Variants in BCAT1 observed in about 807,000 individuals in gnomAD.
The protein encoded by BCAT1 is branched chain amino acid transaminase 1.
BCAT1 carries 48 observed loss-of-function variants against 52.4 expected under a neutral mutation model. The ratio of observed to expected loss-of-function variants is 0.92; its 90% CI spans 0.73 to 1.16. The LOEUF (loss-of-function observed/expected upper bound fraction) is 1.16, where lower values mean the gene tolerates loss of function less well. Among genes scored for constraint, BCAT1 ranks in the 50% most tolerant of loss-of-function variants. BCAT1 has a pLI of 0.00. For synonymous variants in BCAT1, 167 were observed against 161.3 expected (o/e 1.04, Z -0.27); for missense variants, 451 against 457.1 (o/e 0.99, Z 0.12).
At chr12:24,831,147 A>G (rs902371685) in intron 9 of BCAT1, among the ~76,000 whole-genome samples, 1 of 152,218 alleles carries the variant, frequency 6.6e-6, no homozygotes, top group Non-Finnish European at 1.5e-5. Flanking sequence ...ATGGACAATG[A>G]GGATGAAGAC....
In BCAT1 at chr12:24,949,030, G is replaced by A. The variant is rs1461255346; in HGVS notation, c.-98C>T. 15 of 1,331,906 alleles carry A rather than the reference G, an allele frequency of 1.1e-5. No individual in the cohort carries two copies. The highest frequency in any genetic ancestry group is 1.5e-5 in the African/African-American group (1 of 68,152). 82.5% of individuals were successfully genotyped at this position (1,331,906 alleles called of 1,614,324 possible). A position where few individuals can be genotyped will look rare whatever the true frequency, so the allele number is the denominator to read the frequency against. ...TGGACCGGGTCTGCGGCTGCAGAGCGCGGTCCCGGCTGCAGCAAGACCTGG... is the reference window on the plus strand; with the variant it reads ...TGGACCGGGTCTGCGGCTGCAGAGCACGGTCCCGGCTGCAGCAAGACCTGG... On this transcript the variant is annotated 5_prime_UTR_variant, in exon 1 of 11. Transcript: ENST00000261192.
intron 2 of BCAT1, among the ~76,000 whole-genome samples, chr12:24,898,291 G>A (rs1943004956): frequency 6.6e-6 from 1 of 151,846 alleles, no homozygotes; most frequent in Non-Finnish European, 1.5e-5. Context: ...TGATGACATC[G>A]AAGTCAGGAT....
intron 1 of BCAT1, among the ~76,000 whole-genome samples, chr12:24,925,316 A>G (rs1033763958): frequency 4.6e-5 from 7 of 152,044 alleles, no homozygotes; most frequent in African/African-American, 1.4e-4. Context: ...TGCAACATCA[A>G]CTCTTACCAG....
At chr12:24,899,303 T>C (rs1462324608) in intron 2 of BCAT1, among the ~76,000 whole-genome samples, 1 of 152,132 alleles carries the variant, frequency 6.6e-6, no homozygotes, top group Non-Finnish European at 1.5e-5. Flanking sequence ...ATAAATGATG[T>C]AGATTAACAA....
At chr12:24,938,226 C>G (rs903694044) in intron 1 of BCAT1, among the ~76,000 whole-genome samples, 12 of 152,094 alleles carry the variant, frequency 7.9e-5, no homozygotes, top group Non-Finnish European at 1.6e-4. Flanking sequence ...GGAAACAGTA[C>G]TGGGCAGGGT....
At chr12:24,837,581 C>G (rs185832574) in intron 7 of BCAT1, among the ~76,000 whole-genome samples, 5 of 151,934 alleles carry the variant, frequency 3.3e-5, no homozygotes, top group Admixed American at 6.5e-5. Context: ...TACGCGCCAC[C>G]ACGCCTGGCT....
intron 8 of BCAT1, among the ~76,000 whole-genome samples, chr12:24,835,963 T>A (rs551364145): frequency 1.1e-4 from 17 of 152,328 alleles, no homozygotes; most frequent in African/African-American, 4.1e-4. Context: ...TTACATTTGC[T>A]TGCATGTTCT....
At chr12:24,865,620 T>A (rs1380788708) in intron 5 of BCAT1, among the ~76,000 whole-genome samples, 1 of 152,120 alleles carries the variant, frequency 6.6e-6, no homozygotes, top group Non-Finnish European at 1.5e-5. Context: ...TGTGTGTGTA[T>A]GTATATGTGT....
At chr12:24,852,341 A>G (rs1029726193) in intron 5 of BCAT1, among the ~76,000 whole-genome samples, 1 of 152,234 alleles carries the variant, frequency 6.6e-6, no homozygotes, top group East Asian at 1.9e-4. Context: ...ATTTAGAGAT[A>G]TAATATGCTG....
rs761793182 is a variant in BCAT1 at position 24,881,304 on chromosome 12, C to T, written c.387G>A (p.Leu129=). ...RMYRSAVRAT[L]PVFDKEELLE... Reference sequence around the variant, plus strand: ...AGAAACTCCTACACTTACATACCGGCAGAGTTGCCCTCACAGCAGAGCGAT... The same window carrying T: ...AGAAACTCCTACACTTACATACCGGTAGAGTTGCCCTCACAGCAGAGCGAT... The change falls in exon 4 of 11, where the codon CTG becomes CTA. Residue 129 remains leucine, a synonymous_variant. Transcript: ENST00000261192. 1.3e-5 allele frequency: 21 copies of T among 1,603,754 alleles called. No homozygotes were observed. The East Asian group carries it at 4.7e-4, about 36-fold the overall frequency.
In BCAT1 at chr12:24,832,741, A is replaced by T; in HGVS notation, c.1026T>A (p.Asp342Glu). ...GTCGTACCTCGCCTTTGTACAGTAT[A>T]TCAGAAACTGGGCAAACAACACAGG... ...GTACVVCPVS[D>E]ILYKGETIHI... The change falls in exon 9 of 11, where the codon GAT becomes GAA. Residue 342 changes from aspartate to glutamate, a missense_variant. Physicochemically the swap from Asp to Glu is conservative, Grantham distance 45. Coordinates refer to ENST00000261192, the MANE Select transcript of BCAT1 (RefSeq NM_005504.7). The T allele has an allele frequency of 6.2e-7, 1 of 1,611,226 alleles. No individual in the cohort carries two copies. The highest frequency in any genetic ancestry group is 8.5e-7 in the Non-Finnish European group (1 of 1,178,596).
chr12:24,920,975 A>T (rs1367038251), intron 1 of BCAT1, among the ~76,000 whole-genome samples: 1 of 152,142 alleles, frequency 6.6e-6, no homozygotes, highest in Non-Finnish European at 1.5e-5. Flanking sequence ...TGAGCACAGG[A>T]GCTTTTGTCC....
chr12:24,886,220 C>A (rs745941106), intron 3 of BCAT1, among the ~76,000 whole-genome samples: 1 of 152,118 alleles, frequency 6.6e-6, no homozygotes, highest in Non-Finnish European at 1.5e-5. Context: ...GAGTTCGAGA[C>A]CAGCCTGGGC....
At position 24,866,597 on chromosome 12, in the gene BCAT1, T is replaced by C. The variant is rs965774202; in HGVS notation, c.510+11933A>G. On this transcript the variant is annotated intron_variant, in intron 5 of 10. Transcript: ENST00000261192. ...TGGGGACTTGGAGAATCTTTACGTC[T>C]GGCTAAGAGATTGTAAATACACCAA... Among the ~76,000 whole-genome samples, 23 of 152,340 alleles carry C rather than the reference T, an allele frequency of 1.5e-4. No individual in the cohort carries two copies. In the Middle Eastern group the frequency reaches 0.01, roughly 68 times the overall value.
intron 5 of BCAT1, among the ~76,000 whole-genome samples, chr12:24,852,354 A>G (rs900285844): frequency 4.6e-5 from 7 of 152,230 alleles, no homozygotes; most frequent in African/African-American, 1.7e-4. Flanking sequence ...ATATGCTGGC[A>G]TCATCTCAAT....
rs564136073 is a variant in BCAT1, at chr12:24,874,420, C to G, written c.510+4110G>C. ...GAAATATTTTAAGTCCATCCAATAG[C>G]AGAGCCACTCCCTAATTATATGGCA... On this transcript the variant is annotated intron_variant, in intron 5 of 10. Coordinates refer to ENST00000261192, the MANE Select transcript of BCAT1 (RefSeq NM_005504.7). Among the ~76,000 whole-genome samples the G allele has an allele frequency of 5.9e-5, 9 of 152,298 alleles. No individual in the cohort carries two copies. In the East Asian group the frequency reaches 1.7e-3, roughly 29 times the overall value.
intron 3 of BCAT1, among the ~76,000 whole-genome samples, chr12:24,885,895 C>T (rs1478280674): frequency 2.0e-5 from 3 of 152,142 alleles, no homozygotes; most frequent in Non-Finnish European, 2.9e-5. Flanking sequence ...AAAGACCTAA[C>T]TGTGAATGAC....
chr12:24,940,949 A>T (rs971121543), intron 1 of BCAT1, among the ~76,000 whole-genome samples: 17 of 152,248 alleles, frequency 1.1e-4, no homozygotes, highest in African/African-American at 4.1e-4. Flanking sequence ...TTTGTTTGTC[A>T]GGGTATGCAT....
chr12:24,811,714 T>A lies in BCAT1; in HGVS notation c.*6294A>T, dbSNP rs1364700595. 6.6e-6 allele frequency: 1 copy of A among 152,166 alleles called. No individual in the cohort carries two copies. The highest frequency in any genetic ancestry group is 1.5e-5 in the Non-Finnish European group (1 of 67,990). 9.4% of individuals were successfully genotyped at this position (152,166 alleles called of 1,614,324 possible). ...CATTTACAAAGGGTTTATTTCTTTCTACTCAATTTTTCTTAAAAAGAATTT... is the reference window on the plus strand; with the variant it reads ...CATTTACAAAGGGTTTATTTCTTTCAACTCAATTTTTCTTAAAAAGAATTT... On this transcript the variant is annotated 3_prime_UTR_variant, in exon 11 of 11. Transcript: ENST00000261192.
Sources: allele counts gnomAD v4.1 joint callset (sites outside exome capture counted in the v4.1 genomes callset), GRCh38; gene constraint gnomAD v4.1.1; transcripts MANE v1.5; gene names NCBI Gene and HGNC (gene_info 2026-07-23, HGNC 2026-07-21).